Variants in LTBP1 observed in about 807,000 individuals in gnomAD.
The protein encoded by LTBP1 is latent transforming growth factor beta binding protein 1.
In LTBP1, 129 loss-of-function variants were observed where a neutral mutation model predicts 207.6. The ratio of observed to expected loss-of-function variants is 0.62; its 90% CI spans 0.54 to 0.72. The LOEUF (loss-of-function observed/expected upper bound fraction) is 0.72. LTBP1 is among the 30% of genes least tolerant of loss of function. LTBP1 has a pLI of 0.00. For missense variants in LTBP1, 2,281 were observed against 2,217.2 expected, an observed-to-expected ratio of 1.03 and a Z score of -0.58; for synonymous variants, 963 against 833.7, an observed-to-expected ratio of 1.16 and a Z score of -2.67.
intron 2 of LTBP1, among the ~76,000 whole-genome samples, chr2:33,011,866 C>T (rs1687717011): frequency 6.6e-6 from 1 of 151,858 alleles, no homozygotes; most frequent in African/African-American, 2.4e-5. Flanking sequence ...GGGGTCTATT[C>T]CCATTTTGCT....
At chr2:33,262,268 G>T (rs552174810) in intron 13 of LTBP1, among the ~76,000 whole-genome samples, 44 of 152,318 alleles carry the variant, frequency 2.9e-4, no homozygotes, top group African/African-American at 8.9e-4. Flanking sequence ...CTTACCATGT[G>T]TTCTTTGTTA....
chr2:33,076,423 G>T (rs1271289832), intron 3 of LTBP1, among the ~76,000 whole-genome samples: 2 of 152,144 alleles, frequency 1.3e-5, no homozygotes, highest in Non-Finnish European at 2.9e-5. Context: ...TTCTGTACCT[G>T]GGAAGACAAG....
chr2:33,389,682 C>T (rs1049965027), intron 32 of LTBP1, among the ~76,000 whole-genome samples: 2 of 152,224 alleles, frequency 1.3e-5, no homozygotes, highest in African/African-American at 4.8e-5. Context: ...CTGTGTCACC[C>T]AGGCTGGAGT....
rs907736920 is a variant in LTBP1, at chr2:33,347,607, G to A, written c.4000+97G>A. ...ATAAACGCTGGGAGTGAGATAAGAA[G>A]CAGCCAGATGTCCTGACACAGTGCT... On this transcript the variant is annotated intron_variant, in intron 26 of 33. Coordinates refer to ENST00000404816, the MANE Select transcript of LTBP1 (RefSeq NM_206943.4). 4.2e-6 allele frequency: 6 copies of A among 1,413,336 alleles called. No homozygotes were observed. The Admixed American group carries it at 7.2e-5, about 17-fold the overall frequency. The allele number at this position is 1,413,336 out of a possible 1,614,324, so 87.5% of individuals were successfully genotyped here.
chr2:33,082,199 G>T (rs994963128), intron 3 of LTBP1, among the ~76,000 whole-genome samples: 2 of 151,998 alleles, frequency 1.3e-5, no homozygotes, highest in Non-Finnish European at 2.9e-5. Flanking sequence ...TCTCCCTCTT[G>T]CCCTCTCTTT....
At chr2:33,228,750 A>T (rs1411219670) in intron 9 of LTBP1, among the ~76,000 whole-genome samples, 1 of 114,304 alleles carries the variant, frequency 8.7e-6, no homozygotes, top group Admixed American at 1.2e-4. Flanking sequence ...GCCAGGCTGG[A>T]GTGCAGTGGT....
intron 7 of LTBP1, among the ~76,000 whole-genome samples, chr2:33,216,828 C>T (rs1320088422): frequency 6.6e-6 from 1 of 152,200 alleles, no homozygotes; most frequent in Non-Finnish European, 1.5e-5. Flanking sequence ...TCAGCTTTTT[C>T]TCACTTCCTG....
chr2:33,267,735 C>T (rs985092240), intron 15 of LTBP1, among the ~76,000 whole-genome samples: 1 of 152,140 alleles, frequency 6.6e-6, no homozygotes, highest in Non-Finnish European at 1.5e-5. Context: ...ATGGACAAAC[C>T]TCTTTCAAAC....
chr2:33,380,049 G>A (rs2095194281), intron 31 of LTBP1, among the ~76,000 whole-genome samples: 1 of 152,070 alleles, frequency 6.6e-6, no homozygotes, highest in Non-Finnish European at 1.5e-5. Context: ...TTGACCTTTG[G>A]AATATCATAA....
intron 10 of LTBP1, among the ~76,000 whole-genome samples, chr2:33,250,990 C>T (rs1279474057): frequency 1.3e-5 from 2 of 152,204 alleles, no homozygotes; most frequent in Non-Finnish European, 2.9e-5. Flanking sequence ...GAGAACCTGC[C>T]TGGCTAACTG....
intron 31 of LTBP1, among the ~76,000 whole-genome samples, chr2:33,370,528 C>G (rs1320406470): frequency 6.6e-6 from 1 of 152,120 alleles, no homozygotes. Context: ...AAGCAAAGCT[C>G]TAGAGCCATC....
chr2:33,168,399 C>CAAA (rs10616798), intron 5 of LTBP1, among the ~76,000 whole-genome samples: 10 of 103,796 alleles, frequency 9.6e-5, no homozygotes, highest in East Asian at 2.9e-4. Flanking sequence ...GTCTTTGTCT[C>CAAA]AAAAAAAAAA....
intron 5 of LTBP1, among the ~76,000 whole-genome samples, chr2:33,181,871 G>T (rs1442807888): frequency 6.6e-6 from 1 of 152,142 alleles, no homozygotes; most frequent in Non-Finnish European, 1.5e-5. Context: ...TTTGAGAGTG[G>T]CATGAACTTT....
chr2:33,383,678 A>G (rs977290810), intron 31 of LTBP1, among the ~76,000 whole-genome samples: 1 of 152,034 alleles, frequency 6.6e-6, no homozygotes, highest in Non-Finnish European at 1.5e-5. Flanking sequence ...CTCTAGCCTC[A>G]GTGTGCCGCT....
chr2:33,276,925 CCTT>C (rs1317579660), intron 18 of LTBP1, among the ~76,000 whole-genome samples: 2 of 152,320 alleles, frequency 1.3e-5, no homozygotes, highest in East Asian at 1.9e-4. Flanking sequence ...AATACACTGA[CCTT>C]CTGCTAAAAA....
At chr2:33,204,839 T>G (rs561978024) in intron 7 of LTBP1, among the ~76,000 whole-genome samples, 1 of 152,344 alleles carries the variant, frequency 6.6e-6, no homozygotes, top group East Asian at 1.9e-4. Context: ...AAAGTAGACA[T>G]TTATGTCTCC....
intron 32 of LTBP1, among the ~76,000 whole-genome samples, chr2:33,391,373 G>A (rs535346524): frequency 6.6e-6 from 1 of 151,990 alleles, no homozygotes; most frequent in South Asian, 2.1e-4. Context: ...TGCACTCACA[G>A]CTACAAGACT....
intron 3 of LTBP1, among the ~76,000 whole-genome samples, chr2:33,089,660 T>C (rs2078967900): frequency 6.6e-6 from 1 of 152,250 alleles, no homozygotes; most frequent in African/African-American, 2.4e-5. Context: ...ACATCTCATG[T>C]TGAATCAGAT....
intron 3 of LTBP1, among the ~76,000 whole-genome samples, chr2:33,097,530 A>G (rs2079462607): frequency 6.6e-6 from 1 of 152,172 alleles, no homozygotes. Context: ...CTGGAATACC[A>G]TGTTTTTAAA....
Sources: allele counts gnomAD v4.1 joint callset (sites outside exome capture counted in the v4.1 genomes callset), GRCh38; gene constraint gnomAD v4.1.1; transcripts MANE v1.5; gene names NCBI Gene and HGNC (gene_info 2026-07-23, HGNC 2026-07-21).